CSMD1: variants seen among roughly 807,000 people sequenced by gnomAD.
CSMD1 encodes the protein CUB and Sushi multiple domains 1, also known as CUB and sushi domain-containing protein 1.
In CSMD1, 213 loss-of-function variants were observed where a neutral mutation model predicts 417.5. That is an observed-to-expected ratio of 0.51 (90% confidence interval 0.46 to 0.57). The LOEUF (loss-of-function observed/expected upper bound fraction) is 0.57. Ranked by LOEUF, CSMD1 falls within the 20% of genes least tolerant of loss-of-function variation. The pLI is 0.00. For missense variants in CSMD1, 6,923 were observed against 4,529.7 expected, an observed-to-expected ratio of 1.53 and a Z score of -15.17; for synonymous variants, 2,862 against 1,736.8, an observed-to-expected ratio of 1.65 and a Z score of -16.11.
chr8:3,250,426 T>C (rs1800178508), intron 26 of CSMD1, among the ~76,000 whole-genome samples: 2 of 152,366 alleles, frequency 1.3e-5, no homozygotes, highest in African/African-American at 2.4e-5. Flanking sequence ...CCATGGTATA[T>C]ATGTGCCACA....
intron 3 of CSMD1, among the ~76,000 whole-genome samples, chr8:4,248,814 T>G (rs1802867761): frequency 6.6e-6 from 1 of 152,144 alleles, no homozygotes; most frequent in Non-Finnish European, 1.5e-5. Context: ...TTTGCCTAAT[T>G]TGGTGACTGA....
intron 2 of CSMD1, among the ~76,000 whole-genome samples, chr8:4,578,559 G>A (rs1325404739): frequency 6.6e-6 from 1 of 151,390 alleles, no homozygotes; most frequent in Non-Finnish European, 1.5e-5. Context: ...CTTCATGCCT[G>A]TAATCTCGGC....
At chr8:3,393,670 T>C (rs1343976170) in intron 17 of CSMD1, among the ~76,000 whole-genome samples, 2 of 151,990 alleles carry the variant, frequency 1.3e-5, no homozygotes, top group South Asian at 2.1e-4. Context: ...TAAAAATTGA[T>C]GAGTTCATGT....
intron 3 of CSMD1, among the ~76,000 whole-genome samples, chr8:4,218,946 C>T (rs1349685126): frequency 1.3e-5 from 2 of 152,152 alleles, no homozygotes; most frequent in Non-Finnish European, 2.9e-5. Flanking sequence ...CTGAGCAATG[C>T]TATTTTTTCC....
At chr8:3,173,152 T>C (rs375523954) in intron 37 of CSMD1, among the ~76,000 whole-genome samples, 1 of 152,214 alleles carries the variant, frequency 6.6e-6, no homozygotes, top group African/African-American at 2.4e-5. Flanking sequence ...ATTTGGCACC[T>C]GTCCCTTACA....
chr8:4,925,500 C>T (rs1806795904), intron 1 of CSMD1, among the ~76,000 whole-genome samples: 1 of 151,458 alleles, frequency 6.6e-6, no homozygotes, highest in Non-Finnish European at 1.5e-5. Context: ...GTCTTGTGTT[C>T]CTTATTCTGA....
At chr8:4,065,653 T>A (rs996522456) in intron 3 of CSMD1, among the ~76,000 whole-genome samples, 5 of 152,190 alleles carry the variant, frequency 3.3e-5, no homozygotes, top group Non-Finnish European at 5.9e-5. Flanking sequence ...CAATGCCTTT[T>A]AGCCATGACA....
chr8:4,476,280 G>C (rs758854246), intron 2 of CSMD1, among the ~76,000 whole-genome samples: 1 of 151,960 alleles, frequency 6.6e-6, no homozygotes, highest in Non-Finnish European at 1.5e-5. Flanking sequence ...GATAGAGACC[G>C]GATGTTTATA....
intron 3 of CSMD1, among the ~76,000 whole-genome samples, chr8:4,164,466 T>G (rs375250274): frequency 6.6e-6 from 1 of 152,102 alleles, no homozygotes; most frequent in African/African-American, 2.4e-5. Context: ...TTCCCAGAAA[T>G]GAACCCCTAA....
intron 5 of CSMD1, among the ~76,000 whole-genome samples, chr8:3,911,605 C>T (rs959131122): frequency 1.3e-5 from 2 of 151,762 alleles, no homozygotes; most frequent in Non-Finnish European, 2.9e-5. Flanking sequence ...TTTCCAGTTT[C>T]TCTGCCATCC....
In CSMD1 at chr8:3,025,965, G is replaced by T. The variant is rs1052802781; in HGVS notation, c.7855+3354C>A. Among the ~76,000 whole-genome samples the T allele has an allele frequency of 2.6e-5, 4 of 152,284 alleles. No homozygotes were observed. The East Asian group carries it at 7.7e-4, about 29-fold the overall frequency. ...ATAAAAAGGTCTTTGGGGTCCAGTGGTAGGCAGAATTCGAAGGTGGTCCCT... is the reference window on the plus strand; with the variant it reads ...ATAAAAAGGTCTTTGGGGTCCAGTGTTAGGCAGAATTCGAAGGTGGTCCCT... On this transcript the variant is annotated intron_variant, in intron 51 of 69. Coordinates refer to ENST00000635120, the MANE Select transcript of CSMD1 (RefSeq NM_033225.6).
intron 55 of CSMD1, among the ~76,000 whole-genome samples, chr8:2,977,301 C>T (rs1205811366): frequency 6.6e-6 from 1 of 152,062 alleles, no homozygotes; most frequent in Non-Finnish European, 1.5e-5. Flanking sequence ...TGTTGGTCCT[C>T]TCCCTGTGTC....
At chr8:4,153,452 A>G (rs1796673345) in intron 3 of CSMD1, among the ~76,000 whole-genome samples, 1 of 152,186 alleles carries the variant, frequency 6.6e-6, no homozygotes, top group Non-Finnish European at 1.5e-5. Context: ...CAGATGAGCC[A>G]GTGGATAAGG....
At chr8:3,067,105 ACAAT>A (rs925099252) in intron 49 of CSMD1, among the ~76,000 whole-genome samples, 1 of 152,002 alleles carries the variant, frequency 6.6e-6, no homozygotes, top group African/African-American at 2.4e-5. Context: ...AGAGGTCAAT[ACAAT>A]CAGTCTACGG....
intron 1 of CSMD1, among the ~76,000 whole-genome samples, chr8:4,784,662 A>T (rs1313144461): frequency 6.6e-6 from 1 of 152,256 alleles, no homozygotes; most frequent in Non-Finnish European, 1.5e-5. Context: ...AAGAAGGGCA[A>T]ATATTTTTGA....
At position 3,709,582 on chromosome 8, in the gene CSMD1, G is replaced by C. The variant is rs143792676; in HGVS notation, c.932-1091C>G. Among the ~76,000 whole-genome samples the C allele has an allele frequency of 2.0e-5, 3 of 151,092 alleles. No individual in the cohort carries two copies. The East Asian group carries it at 5.9e-4, about 30-fold the overall frequency. On this transcript the variant is annotated intron_variant, in intron 6 of 69. Coordinates refer to ENST00000635120, the MANE Select transcript of CSMD1 (RefSeq NM_033225.6). The stretch of plus-strand genomic sequence containing the variant: ...GCTCTCCCCAGTGTGGGTGGGCCTG[G>C]TCCAGTCAGATGAAGGCCCAAATAG...
chr8:3,399,780 C>A (rs979779486), intron 15 of CSMD1, among the ~76,000 whole-genome samples: 2 of 152,190 alleles, frequency 1.3e-5, no homozygotes, highest in African/African-American at 2.4e-5. Flanking sequence ...TACGTGAGTT[C>A]TCTGTGCTAA....
chr8:3,794,333 C>G (rs191418799), intron 5 of CSMD1, among the ~76,000 whole-genome samples: 2 of 152,070 alleles, frequency 1.3e-5, no homozygotes, highest in Non-Finnish European at 2.9e-5. Context: ...GATTTTTAAG[C>G]TGAGTAAACA....
rs572462408 is a variant in CSMD1, at chr8:3,984,055, G to A, written c.818+13848C>T. Among the ~76,000 whole-genome samples, 21 of 147,852 alleles carry A rather than the reference G, an allele frequency of 1.4e-4. No individual in the cohort carries two copies. The South Asian group carries it at 2.5e-3, about 18-fold the overall frequency. On this transcript the variant is annotated intron_variant, in intron 5 of 69. Transcript: ENST00000635120. The stretch of plus-strand genomic sequence containing the variant: ...AGCACACGGCAGATCTGATGGGGCT[G>A]TCAATTGCAGCTCTAGAGCACACCA...
Sources: gnomAD v4.1 joint callset for allele counts (sites outside exome capture counted in the v4.1 genomes callset) on GRCh38, gnomAD v4.1.1 for gene constraint, MANE v1.5 for transcripts, NCBI Gene and HGNC (gene_info 2026-07-23, HGNC 2026-07-21) for gene names.